The following LPP variants were observed in gnomAD, a reference collection of about 807,000 sequenced individuals.
The protein encoded by LPP is LIM domain containing preferred translocation partner in lipoma.
In LPP, 38 loss-of-function variants were observed where a neutral mutation model predicts 60.4. The observed-to-expected ratio is 0.63, with a 90% CI of 0.49 to 0.83. The LOEUF (loss-of-function observed/expected upper bound fraction) is 0.83, where lower values mean the gene tolerates loss of function less well. LPP is among the 40% of genes least tolerant of loss of function. The pLI is 0.00. For missense variants in LPP, 902 were observed against 783.6 expected (o/e 1.15, Z -1.80); for synonymous variants, 328 against 290.8 (o/e 1.13, Z -1.30).
intron 5 of LPP, among the ~76,000 whole-genome samples, chr3:188,512,561 A>AAATAAAT (rs1816060926): frequency 6.7e-6 from 1 of 148,874 alleles, no homozygotes; most frequent in Non-Finnish European, 1.5e-5. Context: ...CCCGGTCTAT[A>AAATAAAT]AATAAATAAA....
At chr3:188,251,065 G>C (rs1265007912) in intron 2 of LPP, among the ~76,000 whole-genome samples, 1 of 112,510 alleles carries the variant, frequency 8.9e-6, no homozygotes, top group Non-Finnish European at 1.8e-5. Flanking sequence ...CTCTCTCTCT[G>C]TCTTTTTCTT....
intron 2 of LPP, among the ~76,000 whole-genome samples, chr3:188,248,472 A>ATATATAGT (rs1553833542): frequency 1.6e-5 from 2 of 122,642 alleles, no homozygotes; most frequent in Admixed American, 7.7e-5. Flanking sequence ...ATAACTTTAT[A>ATATATAGT]TATATATATA....
At chr3:188,729,010 G>A (rs1719436363) in intron 8 of LPP, among the ~76,000 whole-genome samples, 1 of 152,128 alleles carries the variant, frequency 6.6e-6, no homozygotes, top group Admixed American at 6.6e-5. Flanking sequence ...AAGGAGCTCT[G>A]TACCTATGAT....
chr3:188,404,604 C>T (rs1782999613), intron 3 of LPP, among the ~76,000 whole-genome samples: 1 of 152,118 alleles, frequency 6.6e-6, no homozygotes, highest in South Asian at 2.1e-4. Context: ...CAAAGTCATG[C>T]CACTTGTTGG....
chr3:188,779,191 G>A (rs534359841), intron 9 of LPP, among the ~76,000 whole-genome samples: 10 of 152,216 alleles, frequency 6.6e-5, no homozygotes, highest in African/African-American at 2.2e-4. Context: ...TTGCAGTTTG[G>A]AGTAATTTGC....
intron 8 of LPP, among the ~76,000 whole-genome samples, chr3:188,720,951 C>G (rs1394431432): frequency 6.6e-6 from 1 of 152,160 alleles, no homozygotes; most frequent in Non-Finnish European, 1.5e-5. Flanking sequence ...TTTTTAACCT[C>G]CACTGACTCA....
rs374219679 is a variant in LPP at position 188,262,328 on chromosome 3, G to GT, written c.-67+36812dup. 8.1e-3 allele frequency among the ~76,000 whole-genome samples: 1,184 copies of GT among 146,230 alleles called. 5 individuals carry two copies. Among genetic ancestry groups the GT allele is most frequent in the Middle Eastern group, 0.011 (3 of 282 alleles). ...TAATAAAATAGATATTGAAAATAGT[G>GT]TTTTTTTTTTTAACAGTGAAAGTAA... On this transcript the variant is annotated intron_variant, in intron 2 of 11. Transcript: ENST00000617246.
chr3:188,509,754 A>G (rs930346512), intron 5 of LPP, among the ~76,000 whole-genome samples: 22 of 141,392 alleles, frequency 1.6e-4, no homozygotes, highest in Middle Eastern at 4.1e-3. Context: ...GTGCAATGGC[A>G]TGATCTCGGC....
intron 6 of LPP, among the ~76,000 whole-genome samples, chr3:188,607,400 T>G (rs1188644263): frequency 3.6e-5 from 2 of 55,538 alleles, no homozygotes; most frequent in African/African-American, 8.5e-5. Context: ...TATATATATA[T>G]ATATATATAT....
intron 4 of LPP, among the ~76,000 whole-genome samples, chr3:188,462,173 T>C (rs909762577): frequency 2.6e-5 from 4 of 152,112 alleles, no homozygotes; most frequent in Admixed American, 2.6e-4. Context: ...TCAGTCACTG[T>C]GCTAAATTCT....
intron 2 of LPP, among the ~76,000 whole-genome samples, chr3:188,265,517 T>A (rs1443107697): frequency 2.0e-5 from 3 of 151,956 alleles, no homozygotes; most frequent in African/African-American, 4.8e-5. Context: ...AGCTACAGAG[T>A]GATCAATGCT....
chr3:188,611,056 G>A (rs1843613621), intron 7 of LPP, among the ~76,000 whole-genome samples: 1 of 152,054 alleles, frequency 6.6e-6, no homozygotes. Context: ...TTCCTTATAG[G>A]GTATTTACTA....
At position 188,448,382 on chromosome 3, in the gene LPP, A is replaced by AAATAGATAT. The variant is rs71167100; in HGVS notation, c.194-36210_194-36209insAATAGATAT. ...ACATAATAGATAATAATATCTATCT[A>AAATAGATAT]TATTGAGATATCTATATTTAGATAA... On this transcript the variant is annotated intron_variant, in intron 4 of 11. Transcript: ENST00000617246. Among the ~76,000 whole-genome samples, 3 of 46,626 alleles carry AAATAGATAT rather than the reference A, an allele frequency of 6.4e-5. No homozygotes were observed. In the Admixed American group the frequency reaches 6.9e-4, roughly 11 times the overall value. The allele number at this position is 46,626 out of a possible 152,430, so 30.6% of individuals were successfully genotyped here.
chr3:188,848,822 C>A (rs532864915), intron 9 of LPP, among the ~76,000 whole-genome samples: 1 of 151,916 alleles, frequency 6.6e-6, no homozygotes, highest in African/African-American at 2.4e-5. Flanking sequence ...AAAAATTAGC[C>A]GGGCATGGTG....
intron 3 of LPP, among the ~76,000 whole-genome samples, chr3:188,405,696 T>G (rs1242092156): frequency 6.6e-6 from 1 of 152,164 alleles, no homozygotes; most frequent in Admixed American, 6.5e-5. Context: ...AGATAATTAA[T>G]TTAATAGATT....
At chr3:188,276,627 T>A (rs1739806043) in intron 2 of LPP, among the ~76,000 whole-genome samples, 1 of 151,680 alleles carries the variant, frequency 6.6e-6, no homozygotes, top group African/African-American at 2.4e-5. Context: ...TTGTGAAATC[T>A]TGTCATTTAA....
chr3:188,426,446 G>C (rs1789358532), intron 4 of LPP, among the ~76,000 whole-genome samples: 1 of 152,148 alleles, frequency 6.6e-6, no homozygotes, highest in African/African-American at 2.4e-5. Context: ...GGGGTGGAGA[G>C]TTCTGTAGAT....
In LPP at chr3:188,883,662, G is replaced by A. The variant is rs1165933364; in HGVS notation, c.*9183G>A. 1 of 177,186 alleles carries A rather than the reference G, an allele frequency of 5.6e-6. No individual in the cohort carries two copies. Among genetic ancestry groups the A allele is most frequent in the Non-Finnish European group, 1.2e-5 (1 of 83,394 alleles). The allele number at this position is 177,186 out of a possible 1,614,324, so 11.0% of individuals were successfully genotyped here. On this transcript the variant is annotated 3_prime_UTR_variant, in exon 12 of 12. Coordinates refer to ENST00000617246, the MANE Select transcript of LPP (RefSeq NM_001375462.1). Reference sequence around the variant, plus strand: ...GCAGGAGAATCACCTGAACCCAGGAGGCAGAGGTTGCAGTGAGCAGAGATT... The same window carrying A: ...GCAGGAGAATCACCTGAACCCAGGAAGCAGAGGTTGCAGTGAGCAGAGATT...
chr3:188,764,241 C>T (rs1340298897), intron 9 of LPP, among the ~76,000 whole-genome samples: 1 of 152,042 alleles, frequency 6.6e-6, no homozygotes, highest in Non-Finnish European at 1.5e-5. Context: ...CCTGGTGTGA[C>T]CTTGGGTAAA....
Sources: allele counts gnomAD v4.1 joint callset (sites outside exome capture counted in the v4.1 genomes callset), GRCh38; gene constraint gnomAD v4.1.1; transcripts MANE v1.5; gene names NCBI Gene and HGNC (gene_info 2026-07-23, HGNC 2026-07-21).